The following PDE1C variants were observed in gnomAD, a reference collection of about 807,000 sequenced individuals.
PDE1C encodes dual specificity calcium/calmodulin-dependent 3',5'-cyclic nucleotide phosphodiesterase 1C.
PDE1C carries 62 observed loss-of-function variants against 93.1 expected under a neutral mutation model. That is an observed-to-expected ratio of 0.67 (90% confidence interval 0.54 to 0.82). The LOEUF (loss-of-function observed/expected upper bound fraction) is 0.82. PDE1C is among the 40% of genes least tolerant of loss of function. The pLI is 0.00. For synonymous variants in PDE1C, 325 were observed against 310.1 expected, an observed-to-expected ratio of 1.05 and a Z score of -0.50; for missense variants, 742 against 884.6, an observed-to-expected ratio of 0.84 and a Z score of 2.04.
At chr7:31,665,507 G>A in the PDE1C span, among the ~76,000 whole-genome samples, 1 of 152,096 alleles carries the variant, frequency 6.6e-6, no homozygotes, top group African/African-American at 2.4e-5. Flanking sequence ...GATTTCATAA[G>A]ATACTTAATT....
At chr7:31,824,826 C>A in intron 13 of PDE1C, 41 bp downstream of exon 13, 1 of 1,605,562 alleles carries the variant, frequency 6.2e-7, no homozygotes, top group Non-Finnish European at 8.5e-7. Flanking sequence ...TCCTCAAGGA[C>A]AGGCCAACCT....
At chr7:32,325,049 A>G (rs1308641510) in intron 1 of PDE1C, among the ~76,000 whole-genome samples, 1 of 152,212 alleles carries the variant, frequency 6.6e-6, no homozygotes, top group African/African-American at 2.4e-5. Flanking sequence ...CTGTTCCTCA[A>G]TAAACTTTGG....
chr7:32,088,456 G>T (rs568132126), intron 3 of PDE1C, among the ~76,000 whole-genome samples: 3 of 152,324 alleles, frequency 2.0e-5, no homozygotes, highest in Admixed American at 2.0e-4. Context: ...CTTGGCAACC[G>T]CAAGTATTTG....
chr7:31,721,169 AAGGAAGAGGTCAGC>A, the PDE1C span, among the ~76,000 whole-genome samples: 4 of 152,228 alleles, frequency 2.6e-5, no homozygotes, highest in Non-Finnish European at 4.4e-5. Flanking sequence ...GAAAGGGGAA[AAGGAAGAGGTCAGC>A]AGGAAGAGAA....
chr7:32,071,044 G>C (rs1796003665), upstream of PDE1C: 3 of 985,426 alleles, frequency 3.0e-6, no homozygotes, highest in South Asian at 1.4e-4. Context: ...CGCCCGGGCT[G>C]GTGTCTGGGC....
chr7:31,897,568 C>T (rs1186746173), intron 2 of PDE1C, among the ~76,000 whole-genome samples: 1 of 152,204 alleles, frequency 6.6e-6, no homozygotes, highest in Non-Finnish European at 1.5e-5. Context: ...TTTTACCTCA[C>T]AATGACGAGA....
downstream of PDE1C, among the ~76,000 whole-genome samples, chr7:31,746,215 G>A (rs6965575): frequency 0.8 from 121,201 of 152,096 alleles, 48,704 homozygotes; most frequent in Middle Eastern, 0.86. Context: ...ATGGAGGGCT[G>A]TAATTCCTAA....
chr7:31,726,086 A>G, the PDE1C span, among the ~76,000 whole-genome samples: 2 of 152,206 alleles, frequency 1.3e-5, no homozygotes, highest in African/African-American at 4.8e-5. Context: ...TGTCTTTTAT[A>G]GAAATAGGGT....
chr7:32,018,703 C>T (rs1043909353), intron 2 of PDE1C, among the ~76,000 whole-genome samples: 8 of 152,070 alleles, frequency 5.3e-5, no homozygotes, highest in African/African-American at 1.9e-4. Context: ...CTAATAAGTA[C>T]AGGATTTCTC....
At chr7:31,701,425 T>C in the PDE1C span, among the ~76,000 whole-genome samples, 2 of 152,364 alleles carry the variant, frequency 1.3e-5, no homozygotes, top group Admixed American at 6.5e-5. Context: ...TTGCTTCTGA[T>C]AGATCAGCAA....
chr7:32,000,674 C>T (rs559824348), intron 2 of PDE1C, among the ~76,000 whole-genome samples: 26 of 152,200 alleles, frequency 1.7e-4, no homozygotes, highest in African/African-American at 2.2e-4. Flanking sequence ...GCCCTGGACA[C>T]GCTCATGTCC....
chr7:31,973,262 G>A (rs964650082), intron 2 of PDE1C, among the ~76,000 whole-genome samples: 2 of 152,034 alleles, frequency 1.3e-5, no homozygotes, highest in Non-Finnish European at 2.9e-5. Flanking sequence ...AATCTTAGAT[G>A]GAGAAAAGAA....
the PDE1C span, among the ~76,000 whole-genome samples, chr7:31,737,219 T>A: frequency 1.3e-5 from 2 of 152,000 alleles, no homozygotes; most frequent in East Asian, 3.9e-4. Context: ...CCTCAAACAA[T>A]CCTCTCACCT....
intron 16 of PDE1C, among the ~76,000 whole-genome samples, chr7:31,801,798 C>A (rs1447398823): frequency 1.3e-5 from 2 of 151,378 alleles, no homozygotes; most frequent in South Asian, 4.1e-4. Context: ...ATATAGCCAC[C>A]AGGCTTTCTT....
intron 2 of PDE1C, among the ~76,000 whole-genome samples, chr7:32,033,008 C>T (rs1790543681): frequency 6.6e-6 from 1 of 152,050 alleles, no homozygotes; most frequent in South Asian, 2.1e-4. Flanking sequence ...AGCTCTCTTA[C>T]CAACACAATA....
intron 2 of PDE1C, among the ~76,000 whole-genome samples, chr7:31,992,914 C>T (rs7801799): frequency 0.46 from 69,905 of 151,914 alleles, 16,323 homozygotes; most frequent in Admixed American, 0.56. Flanking sequence ...GTTTTCCATT[C>T]TGCACTGGCA....
At chr7:31,691,439 T>C in the PDE1C span, among the ~76,000 whole-genome samples, 1 of 152,178 alleles carries the variant, frequency 6.6e-6, no homozygotes, top group African/African-American at 2.4e-5. Flanking sequence ...TAGTAGGACA[T>C]GAGTAATAAA....
chr7:32,162,686 G>A (rs547174770), intron 3 of PDE1C, among the ~76,000 whole-genome samples: 137 of 152,186 alleles, frequency 9.0e-4, no homozygotes, highest in Middle Eastern at 3.4e-3. Context: ...CTCAGTCATC[G>A]CCAATGGGTT....
chr7:31,628,489 G>T, the PDE1C span, among the ~76,000 whole-genome samples: 1 of 146,036 alleles, frequency 6.8e-6, no homozygotes, highest in Non-Finnish European at 1.5e-5. Flanking sequence ...GAGGAGTCTC[G>T]CTCTGTCACT....
Sources: allele counts gnomAD v4.1 joint callset (sites outside exome capture counted in the v4.1 genomes callset), GRCh38; gene constraint gnomAD v4.1.1; transcripts MANE v1.5; gene names NCBI Gene and HGNC (gene_info 2026-07-23, HGNC 2026-07-21).